Variants in TTLL11 observed in about 807,000 individuals in gnomAD.
The protein encoded by TTLL11 is tubulin polyglutamylase TTLL11.
Under a neutral mutation model 51.7 loss-of-function variants are expected in TTLL11, and 42 were observed. That is an observed-to-expected ratio of 0.81 (90% CI 0.64 to 1.05). The LOEUF is 1.05. TTLL11 is among the 50% of genes least tolerant of loss of function. TTLL11 has a pLI of 0.00. For missense variants in TTLL11, 799 were observed against 940.4 expected (o/e 0.85, Z 1.97); for synonymous variants, 381 against 383.5 (o/e 0.99, Z 0.08).
intron 1 of TTLL11, among the ~76,000 whole-genome samples, chr9:122,041,760 A>G (rs1844850829): frequency 1.3e-5 from 2 of 152,172 alleles, no homozygotes; most frequent in Admixed American, 1.3e-4. Flanking sequence ...TGTAAAAGAA[A>G]TTAAAGAAGA....
intron 1 of TTLL11, among the ~76,000 whole-genome samples, chr9:122,042,689 G>C (rs891133656): frequency 1.3e-5 from 2 of 152,324 alleles, no homozygotes; most frequent in Non-Finnish European, 2.9e-5. Flanking sequence ...CCTTCAGTAG[G>C]TGAGTCCTTC....
At chr9:121,826,557 G>GTATGTATATATATATATATATATA in intron 8 of TTLL11, among the ~76,000 whole-genome samples, 1 of 51,342 alleles carries the variant, frequency 1.9e-5, no homozygotes, top group African/African-American at 7.0e-5. Flanking sequence ...ATATGTGTGT[G>GTATGTATATATATATATATATATA]TATATATATA....
chr9:121,989,623 C>A lies in TTLL11; in HGVS notation c.841G>T (p.Val281Phe). The change falls in exon 4 of 9, where the codon GTC (valine) becomes TTC (phenylalanine). Residue 281 changes from valine (V) to phenylalanine (F), a missense_variant. Physicochemically the swap from Val to Phe is conservative, Grantham distance 50. Around this residue, in one of 3 missense-constraint regions of TTLL11, gnomAD observed 468 missense variants for 612.8 expected, o/e 0.76. Transcript: ENST00000321582. This position sits in a 1 kb window ranked among gnomAD's most constrained non-coding sequence, Gnocchi z 4.2. Reference sequence around the variant, plus strand: ...AGAGGTTTGCAGATGTACTCCTGGACCACCGCTGGCCTGCTCTGGAGGGTC... The same window carrying A: ...AGAGGTTTGCAGATGTACTCCTGGAACACCGCTGGCCTGCTCTGGAGGGTC... Reference protein sequence around the residue: ...AGTLQSRPAVVQEYICKPLLI... With the variant: ...AGTLQSRPAVFQEYICKPLLI... 3 of 1,614,150 alleles carry A rather than the reference C, an allele frequency of 1.9e-6. No individual in the cohort carries two copies. The highest frequency in any genetic ancestry group is 2.5e-6 in the Non-Finnish European group (3 of 1,180,032).
At chr9:121,963,937 G>T (rs149739626) in intron 6 of TTLL11, among the ~76,000 whole-genome samples, 168 of 152,268 alleles carry the variant, frequency 1.1e-3, no homozygotes, top group African/African-American at 3.9e-3. Context: ...AATGTATCTT[G>T]AAGTCAGGAA....
chr9:121,886,465 C>T (rs1839014806), intron 6 of TTLL11, among the ~76,000 whole-genome samples: 1 of 152,138 alleles, frequency 6.6e-6, no homozygotes, highest in Admixed American at 6.5e-5. Flanking sequence ...CCATGGGAAC[C>T]GAGGGCAGAG....
intron 6 of TTLL11, among the ~76,000 whole-genome samples, chr9:121,917,464 A>G (rs190937594): frequency 5.0e-4 from 76 of 151,866 alleles, no homozygotes; most frequent in African/African-American, 1.8e-3. Flanking sequence ...ACAGAGCAAG[A>G]CACTGTTGAA....
rs563313009 is a variant in TTLL11 at position 122,050,872 on chromosome 9, T to G, written c.463-11504A>C. Among the ~76,000 whole-genome samples, 6 of 152,276 alleles carry G rather than the reference T, an allele frequency of 3.9e-5. No homozygotes were observed. The South Asian group carries it at 1.2e-3, about 32-fold the overall frequency. ...CAGCCCCAGTCAAGTACTCAGGGTC[T>G]GCGGCTCTGCCCAACAGCTTGATTG... On this transcript the variant is annotated intron_variant, in intron 1 of 8. Coordinates refer to ENST00000321582, the MANE Select transcript of TTLL11 (RefSeq NM_001139442.2).
chr9:122,076,987 A>G (rs1588261452), intron 1 of TTLL11, among the ~76,000 whole-genome samples: 1 of 152,214 alleles, frequency 6.6e-6, no homozygotes, highest in East Asian at 1.9e-4. Flanking sequence ...CTGACTTCTC[A>G]ACAGCAAAAT....
intron 1 of TTLL11, among the ~76,000 whole-genome samples, chr9:122,061,988 C>G (rs748514377): frequency 6.6e-6 from 1 of 152,150 alleles, no homozygotes; most frequent in Non-Finnish European, 1.5e-5. Context: ...CTTTGAATTT[C>G]TTTTGAAAAT....
rs117250417 is a variant in TTLL11 at position 121,909,123 on chromosome 9, C to T, written c.1482-38375G>A. On this transcript the variant is annotated intron_variant, in intron 6 of 8. Transcript: ENST00000321582. ...ATTCATTATGCCATCCAATCCATAA[C>T]GGTCAACTTATTGATCCATTCCTTC... Among the ~76,000 whole-genome samples, 894 of 152,320 alleles carry T rather than the reference C, an allele frequency of 5.9e-3. 43 individuals carry two copies. The highest frequency in any genetic ancestry group is 0.052 in the Admixed American group (803 of 15,298).
intron 3 of TTLL11, among the ~76,000 whole-genome samples, chr9:121,991,715 T>C (rs966096088): frequency 7.9e-5 from 12 of 152,256 alleles, no homozygotes; most frequent in Admixed American, 7.8e-4. Context: ...CCGTCACTCA[T>C]TGGATTCCTG....
intron 3 of TTLL11, among the ~76,000 whole-genome samples, chr9:122,007,130 G>C (rs1843678569): frequency 6.6e-6 from 1 of 151,682 alleles, no homozygotes; most frequent in Non-Finnish European, 1.5e-5. Flanking sequence ...AAATAATTTG[G>C]ATTAAAAGTA....
intron 6 of TTLL11, among the ~76,000 whole-genome samples, chr9:121,931,583 TTAA>T (rs1341021115): frequency 2.0e-4 from 21 of 103,842 alleles, no homozygotes; most frequent in African/African-American, 6.7e-4. Context: ...TTTCTACTAT[TTAA>T]AAAAAAAAAA....
chr9:121,861,211 C>A (rs574184818), intron 7 of TTLL11, among the ~76,000 whole-genome samples: 2 of 152,116 alleles, frequency 1.3e-5, no homozygotes, highest in East Asian at 3.9e-4. Context: ...ACGTCTGTCC[C>A]CTGAGTAGCT....
chr9:121,940,563 C>A (rs901333523), intron 6 of TTLL11, among the ~76,000 whole-genome samples: 4 of 152,140 alleles, frequency 2.6e-5, no homozygotes, highest in African/African-American at 9.7e-5. Context: ...ATGTCTCGAA[C>A]TCCTGACCTC....
intron 6 of TTLL11, among the ~76,000 whole-genome samples, chr9:121,926,396 C>G (rs193266156): frequency 2.6e-5 from 4 of 152,368 alleles, no homozygotes; most frequent in Admixed American, 6.5e-5. Context: ...ATAACTCCCC[C>G]CTTCTTGTGT....
chr9:122,013,572 A>T (rs1443500686), intron 3 of TTLL11, among the ~76,000 whole-genome samples: 1 of 152,238 alleles, frequency 6.6e-6, no homozygotes, highest in Non-Finnish European at 1.5e-5. Context: ...AACAGGAAGG[A>T]TGCCTTGGCT....
intron 6 of TTLL11, among the ~76,000 whole-genome samples, chr9:121,922,169 C>T (rs1431490309): frequency 1.3e-5 from 2 of 152,186 alleles, no homozygotes; most frequent in African/African-American, 2.4e-5. Context: ...TCTATCTCTA[C>T]CCAGAACCAT....
intron 6 of TTLL11, among the ~76,000 whole-genome samples, chr9:121,880,500 T>A (rs1404392166): frequency 6.6e-6 from 1 of 152,242 alleles, no homozygotes. Context: ...TATTTCATCA[T>A]CATCATCAAG....
Sources: allele counts gnomAD v4.1 joint callset (sites outside exome capture counted in the v4.1 genomes callset), GRCh38; gene constraint gnomAD v4.1.1; regional missense constraint gnomAD v4.1.1; non-coding constraint Gnocchi (gnomAD v3.1); transcripts MANE v1.5; gene names NCBI Gene and HGNC (gene_info 2026-07-23, HGNC 2026-07-21).